RNGTT: variants seen among roughly 807,000 people sequenced by gnomAD.
The protein encoded by RNGTT is RNA guanylyltransferase and 5'-phosphatase.
In RNGTT, 33 loss-of-function variants were observed where a neutral mutation model predicts 79.3. The observed-to-expected ratio is 0.42, with a 90% CI of 0.32 to 0.56. The LOEUF is 0.56. Ranked by LOEUF, RNGTT falls within the 20% of genes least tolerant of loss-of-function variation. The pLI is 0.17. For synonymous variants in RNGTT, 222 were observed against 235.9 expected (o/e 0.94, Z 0.54); for missense variants, 497 against 739.1 (o/e 0.67, Z 3.80).
chr6:88,820,104 A>G (rs557833375), intron 11 of RNGTT, among the ~76,000 whole-genome samples: 153 of 152,272 alleles, frequency 1.0e-3, no homozygotes, highest in Non-Finnish European at 1.8e-3. Flanking sequence ...AAATGCCACA[A>G]GAGTGGTGCT....
At chr6:88,893,810 C>G (rs1783131361) in intron 6 of RNGTT, among the ~76,000 whole-genome samples, 1 of 151,290 alleles carries the variant, frequency 6.6e-6, no homozygotes, top group African/African-American at 2.4e-5. Context: ...AGGTAGAAGT[C>G]CAATAAAAAA....
chr6:88,613,992 G>T (rs775199642), intron 15 of RNGTT, among the ~76,000 whole-genome samples: 3 of 152,174 alleles, frequency 2.0e-5, no homozygotes, highest in Non-Finnish European at 4.4e-5. Flanking sequence ...TTCTGTTGTT[G>T]TTGTTGTTCA....
At chr6:88,805,038 C>T (rs189904768) in intron 11 of RNGTT, among the ~76,000 whole-genome samples, 96 of 152,208 alleles carry the variant, frequency 6.3e-4, no homozygotes, top group Non-Finnish European at 1.2e-3. Flanking sequence ...CATTCATTTA[C>T]GATGTGAAAA....
chr6:88,684,865 T>C (rs1433077692), intron 13 of RNGTT, among the ~76,000 whole-genome samples: 2 of 152,126 alleles, frequency 1.3e-5, no homozygotes, highest in African/African-American at 2.4e-5. Flanking sequence ...GGGAGGGCCA[T>C]GCATGTGTGG....
chr6:88,689,526 G>A (rs779148472), intron 13 of RNGTT, among the ~76,000 whole-genome samples: 56 of 151,426 alleles, frequency 3.7e-4, no homozygotes, highest in African/African-American at 6.3e-4. Flanking sequence ...CCCAGGAGGC[G>A]GAGGTTGCAG....
intron 14 of RNGTT, among the ~76,000 whole-genome samples, chr6:88,637,883 A>G (rs1211651951): frequency 6.6e-6 from 1 of 152,124 alleles, no homozygotes; most frequent in Non-Finnish European, 1.5e-5. Flanking sequence ...ACAATTCAAA[A>G]AGTAATTCTA....
At chr6:88,905,567 C>G (rs1479445995) in intron 5 of RNGTT, among the ~76,000 whole-genome samples, 1 of 152,136 alleles carries the variant, frequency 6.6e-6, no homozygotes, top group Non-Finnish European at 1.5e-5. Flanking sequence ...AATAATGATG[C>G]TCCCTCAGTC....
intron 12 of RNGTT, among the ~76,000 whole-genome samples, chr6:88,771,109 T>A (rs561908411): frequency 6.6e-6 from 1 of 151,696 alleles, no homozygotes; most frequent in South Asian, 2.1e-4. Flanking sequence ...TTTAGTAATG[T>A]CAAAATTATC....
At chr6:88,653,595 T>C (rs559337684) in intron 14 of RNGTT, among the ~76,000 whole-genome samples, 2 of 152,286 alleles carry the variant, frequency 1.3e-5, no homozygotes, top group Non-Finnish European at 2.9e-5. Context: ...GCCACAAAGA[T>C]ATACTAAGCC....
At chr6:88,825,719 C>T (rs909627299) in intron 11 of RNGTT, among the ~76,000 whole-genome samples, 1 of 152,158 alleles carries the variant, frequency 6.6e-6, no homozygotes, top group Non-Finnish European at 1.5e-5. Flanking sequence ...TGGTCTTCTA[C>T]TGAAATAGTT....
intron 10 of RNGTT, among the ~76,000 whole-genome samples, chr6:88,845,927 T>C (rs930148359): frequency 6.6e-6 from 1 of 152,098 alleles, no homozygotes; most frequent in Non-Finnish European, 1.5e-5. Context: ...GTTAGGCTGG[T>C]TTATTAGAGT....
chr6:88,694,747 T>A (rs1255916989), intron 13 of RNGTT, among the ~76,000 whole-genome samples: 2 of 152,122 alleles, frequency 1.3e-5, no homozygotes, highest in African/African-American at 2.4e-5. Context: ...TAAAAATAGA[T>A]ACGCTGACCA....
intron 14 of RNGTT, among the ~76,000 whole-genome samples, chr6:88,620,854 T>C (rs1485182830): frequency 6.6e-6 from 1 of 152,204 alleles, no homozygotes; most frequent in Admixed American, 6.5e-5. Flanking sequence ...TAGACGACAT[T>C]ATGTCTTTGT....
chr6:88,777,006 T>A (rs2127847087), intron 12 of RNGTT, among the ~76,000 whole-genome samples: 1 of 152,318 alleles, frequency 6.6e-6, no homozygotes, highest in South Asian at 2.1e-4. Context: ...AGGCATTTGA[T>A]CTATTTTAAG....
At chr6:88,943,324 C>G (rs1342243851) in intron 1 of RNGTT, among the ~76,000 whole-genome samples, 1 of 152,170 alleles carries the variant, frequency 6.6e-6, no homozygotes, top group African/African-American at 2.4e-5. Context: ...TTTAGCAGCT[C>G]AAGACCAAAA....
intron 13 of RNGTT, among the ~76,000 whole-genome samples, chr6:88,750,744 T>C (rs963468478): frequency 3.3e-5 from 5 of 152,180 alleles, no homozygotes; most frequent in Admixed American, 3.3e-4. Flanking sequence ...GTCTTGAATG[T>C]CATTCCTACA....
At chr6:88,912,687 A>G (rs1218373842) in intron 4 of RNGTT, among the ~76,000 whole-genome samples, 1 of 152,184 alleles carries the variant, frequency 6.6e-6, no homozygotes, top group East Asian at 1.9e-4. Flanking sequence ...AATAAGCACA[A>G]TCTGAAATGA....
At chr6:88,632,411 A>G (rs1274421788) in intron 14 of RNGTT, among the ~76,000 whole-genome samples, 1 of 152,146 alleles carries the variant, frequency 6.6e-6, no homozygotes, top group African/African-American at 2.4e-5. Flanking sequence ...CATCTATAAG[A>G]CAATCCTTCA....
chr6:88,811,922 C>T (rs915546328), intron 11 of RNGTT, among the ~76,000 whole-genome samples: 1 of 152,036 alleles, frequency 6.6e-6, no homozygotes, highest in Non-Finnish European at 1.5e-5. Flanking sequence ...TTTTAAAACC[C>T]CCCCAAAAAT....
Sources: gnomAD v4.1 joint callset for allele counts (sites outside exome capture counted in the v4.1 genomes callset) on GRCh38, gnomAD v4.1.1 for gene constraint, MANE v1.5 for transcripts, NCBI Gene and HGNC (gene_info 2026-07-23, HGNC 2026-07-21) for gene names.